DISP3: variants seen among roughly 807,000 people sequenced by gnomAD.
The protein encoded by DISP3 is protein dispatched homolog 3.
In DISP3, 101 loss-of-function variants were observed where a neutral mutation model predicts 135.3. The ratio of observed to expected loss-of-function variants is 0.75; its 90% confidence interval spans 0.64 to 0.88. The LOEUF (loss-of-function observed/expected upper bound fraction) is 0.88, where lower values mean the gene tolerates loss of function less well. DISP3 is among the 40% of genes least tolerant of loss of function. The pLI is 0.00. For missense variants in DISP3, 1,713 were observed against 1,878.6 expected, an observed-to-expected ratio of 0.91 and a Z score of 1.63; for synonymous variants, 856 against 817.0, an observed-to-expected ratio of 1.05 and a Z score of -0.81.
chr1:11,484,790 G>A (rs1352650757), intron 1 of DISP3, among the ~76,000 whole-genome samples: 2 of 152,118 alleles, frequency 1.3e-5, no homozygotes, highest in Non-Finnish European at 2.9e-5. Flanking sequence ...GGATTGGCAT[G>A]GATTTAGATT....
intron 3 of DISP3, among the ~76,000 whole-genome samples, chr1:11,511,623 T>C (rs549451854): frequency 1.4e-4 from 21 of 152,256 alleles, no homozygotes; most frequent in South Asian, 2.1e-4. Flanking sequence ...TGGGCTGGCA[T>C]TGAGTGTCTG....
chr1:11,527,406 A>G (rs759853677), intron 13 of DISP3, among the ~76,000 whole-genome samples: 2 of 152,130 alleles, frequency 1.3e-5, no homozygotes, highest in Non-Finnish European at 1.5e-5. Flanking sequence ...AAAATTAGCC[A>G]GGCATGGTGG....
At chr1:11,526,061 A>G (rs956958241) in intron 12 of DISP3, among the ~76,000 whole-genome samples, 1 of 152,082 alleles carries the variant, frequency 6.6e-6, no homozygotes, top group East Asian at 1.9e-4. Context: ...CACACCCTCC[A>G]TGGTGACAGG....
chr1:11,525,657 T>A (rs2100498470), intron 12 of DISP3, among the ~76,000 whole-genome samples: 1 of 152,376 alleles, frequency 6.6e-6, no homozygotes, highest in South Asian at 2.1e-4. Context: ...GTGAGGCCTG[T>A]GCCGTGCAGA....
intron 13 of DISP3, among the ~76,000 whole-genome samples, 160 bp downstream of exon 13, chr1:11,526,995 A>C (rs549232159): frequency 1.3e-5 from 2 of 150,666 alleles, no homozygotes; most frequent in South Asian, 4.2e-4. Context: ...CAGTGGCACA[A>C]TCTTGGCTCA....
Position 11,531,781 on chromosome 1 carries a change from C to T in DISP3, c.3375+71C>T, listed in dbSNP as rs1246082340. On this transcript the variant is annotated intron_variant, in intron 17 of 20. Transcript: ENST00000294484. The surrounding 1 kb of genome is among the most constrained non-coding windows in gnomAD (Gnocchi z 5.2). ...GGGGTGTGCCACCTCTGATCCCAGC[C>T]CTCTTCCCAGATCGGGGGGGAGATG... 7 of 1,515,940 alleles carry T rather than the reference C, an allele frequency of 4.6e-6. No homozygotes were observed. Among genetic ancestry groups the T allele is most frequent in the Non-Finnish European group, 5.3e-6 (6 of 1,134,564 alleles). 93.9% of individuals were successfully genotyped at this position (1,515,940 alleles called of 1,614,324 possible). A position where few individuals can be genotyped will look rare whatever the true frequency, so the allele number is the denominator to read the frequency against.
intron 3 of DISP3, among the ~76,000 whole-genome samples, chr1:11,503,525 T>C (rs1358410725): frequency 6.6e-6 from 1 of 152,014 alleles, no homozygotes; most frequent in East Asian, 1.9e-4. Context: ...CCAGAGAGCG[T>C]AGAGTTTTGA....
At chr1:11,480,175 G>A (rs978016122) in intron 1 of DISP3, among the ~76,000 whole-genome samples, 1 of 152,168 alleles carries the variant, frequency 6.6e-6, no homozygotes, top group Non-Finnish European at 1.5e-5. Flanking sequence ...CTCGGCCTCT[G>A]CTCCACGGCC....
rs1437442460 is a variant in DISP3, at chr1:11,499,479, A to T, written c.-3-1511A>T. ...CAAATCGGGACTCAGAGCAGTTACC[A>T]TCCCCTCGGCAAGCTGGCAGGCTCG... On this transcript the variant is annotated intron_variant, in intron 1 of 20. Transcript: ENST00000294484. The surrounding 1 kb of genome is among the most constrained non-coding windows in gnomAD (Gnocchi z 5.2). Among the ~76,000 whole-genome samples, 1 of 152,146 alleles carries T rather than the reference A, an allele frequency of 6.6e-6. No homozygotes were observed. Among genetic ancestry groups the T allele is most frequent in the African/African-American group, 2.4e-5 (1 of 41,436 alleles).
At chr1:11,522,953 A>AGGGCCCAGCCAGAGCCCAG (rs1557615821) in intron 10 of DISP3, among the ~76,000 whole-genome samples, 1 of 83,122 alleles carries the variant, frequency 1.2e-5, no homozygotes. Context: ...CCAGAGCCCA[A>AGGGCCCAGCCAGAGCCCAG]CCAGGACCCA....
At chr1:11,509,854 A>G (rs1641809170) in intron 3 of DISP3, among the ~76,000 whole-genome samples, 2 of 152,168 alleles carry the variant, frequency 1.3e-5, no homozygotes, top group African/African-American at 4.8e-5. Flanking sequence ...TAATCCTAGC[A>G]CTTTGGGAGG....
Position 11,501,156 on chromosome 1 carries a change from C to A in DISP3, c.164C>A (p.Pro55His), listed in dbSNP as rs1354493404. 1 of 1,613,928 alleles carries A rather than the reference C, an allele frequency of 6.2e-7. No individual in the cohort carries two copies. The highest frequency in any genetic ancestry group is 1.7e-5 in the Admixed American group (1 of 60,010). ...CGGCACTGGCCCCTGGCTTCCCGAC[C>A]CCCAGCTTCGGGCTTCTGGAGTACC... ...CWRHWPLASR[P>H]PASGFWSTLG... Residue 55 changes from proline (P) to histidine (H), a missense_variant, in exon 2 of 21, where the codon CCC (proline) becomes CAC (histidine). By Grantham distance (77) the Pro-to-His change is moderately conservative. Transcript: ENST00000294484. This position sits in a 1 kb window ranked among gnomAD's most constrained non-coding sequence, Gnocchi z 4.9.
intron 17 of DISP3, chr1:11,533,831 A>C: frequency 1.4e-6 from 1 of 717,892 alleles, no homozygotes; most frequent in Non-Finnish European, 2.6e-6. Context: ...GAGCAGGGTG[A>C]GTGCCTATTT....
chr1:11,527,685 C>T (rs1225209030), intron 13 of DISP3, among the ~76,000 whole-genome samples: 1 of 152,220 alleles, frequency 6.6e-6, no homozygotes, highest in Non-Finnish European at 1.5e-5. Flanking sequence ...TTGATAGCTC[C>T]TCAGGGGTTG....
At position 11,520,542 on chromosome 1, in the gene DISP3, G is replaced by A. The variant is rs986861929; in HGVS notation, c.2201-145G>A. Reference sequence around the variant, plus strand: ...ACCATCCCCAGCAAGCTTTGCCCACGGGCTGGCATGCAGGGCCTTCCCCCG... The same window carrying A: ...ACCATCCCCAGCAAGCTTTGCCCACAGGCTGGCATGCAGGGCCTTCCCCCG... On this transcript the variant is annotated intron_variant, in intron 9 of 20. Coordinates refer to ENST00000294484, the MANE Select transcript of DISP3 (RefSeq NM_020780.2). The surrounding 1 kb of genome is among the most constrained non-coding windows in gnomAD (Gnocchi z 4.8). 2 of 829,674 alleles carry A rather than the reference G, an allele frequency of 2.4e-6. No individual in the cohort carries two copies. Among genetic ancestry groups the A allele is most frequent in the African/African-American group, 1.7e-5 (1 of 58,104 alleles). 51.4% of individuals were successfully genotyped at this position (829,674 alleles called of 1,614,324 possible). A position where few individuals can be genotyped will look rare whatever the true frequency, so the allele number is the denominator to read the frequency against.
chr1:11,518,252 C>T (rs1642068419), intron 7 of DISP3, among the ~76,000 whole-genome samples: 1 of 152,190 alleles, frequency 6.6e-6, no homozygotes, highest in South Asian at 2.1e-4. Context: ...CAGTCGTGTT[C>T]AGGGACCCAT....
chr1:11,505,432 G>A (rs1641670287), intron 3 of DISP3, among the ~76,000 whole-genome samples: 1 of 152,176 alleles, frequency 6.6e-6, no homozygotes, highest in African/African-American at 2.4e-5. Flanking sequence ...ACGGTTTTAG[G>A]TACCAGTATT....
intron 1 of DISP3, among the ~76,000 whole-genome samples, chr1:11,494,630 T>C (rs7534208): frequency 0.49 from 73,802 of 152,016 alleles, 19,842 homozygotes; most frequent in East Asian, 0.73. Flanking sequence ...CATTTTGAGC[T>C]TCTGCCCAAA....
Position 11,529,877 on chromosome 1 carries a change from C to T in DISP3, c.3020C>T (p.Thr1007Ile), listed in dbSNP as rs779083296. Reference protein sequence around the residue: ...GKPAVRPLVDTGAMVFVVFGI... With the variant: ...GKPAVRPLVDIGAMVFVVFGI... ...CCGGCGGTGCGGCCACTAGTGGATACCGGGGCCATGGTCTTTGTGGTCTTC... is the reference window on the plus strand; with the variant it reads ...CCGGCGGTGCGGCCACTAGTGGATATCGGGGCCATGGTCTTTGTGGTCTTC... The change falls in exon 15 of 21, where the codon ACC (threonine) becomes ATC (isoleucine). Residue 1007 changes from threonine (T) to isoleucine (I), a missense_variant. By Grantham distance (89) the Thr-to-Ile change is moderately conservative. Transcript: ENST00000294484. The surrounding 1 kb of genome is among the most constrained non-coding windows in gnomAD (Gnocchi z 4.7). The T allele has an allele frequency of 6.2e-7, 1 of 1,613,900 alleles. No homozygotes were observed. Among genetic ancestry groups the T allele is most frequent in the Non-Finnish European group, 8.5e-7 (1 of 1,179,998 alleles).
Sources: allele counts gnomAD v4.1 joint callset (sites outside exome capture counted in the v4.1 genomes callset), GRCh38; gene constraint gnomAD v4.1.1; non-coding constraint Gnocchi (gnomAD v3.1); transcripts MANE v1.5; gene names NCBI Gene and HGNC (gene_info 2026-07-23, HGNC 2026-07-21).